Variants in DPY19L4 observed in about 807,000 individuals in gnomAD.
DPY19L4 encodes dpy-19 like 4, also known as probable C-mannosyltransferase DPY19L4.
DPY19L4 carries 97 observed loss-of-function variants against 102.8 expected under a neutral mutation model. That is an observed-to-expected ratio of 0.94 (90% CI 0.80 to 1.12). The LOEUF (loss-of-function observed/expected upper bound fraction) is 1.12, where lower values mean the gene tolerates loss of function less well. Ranked by LOEUF, DPY19L4 falls within the 50% of genes most tolerant of loss-of-function variation. DPY19L4 has a pLI of 0.00. For synonymous variants in DPY19L4, 252 were observed against 283.1 expected (o/e 0.89, Z 1.10); for missense variants, 815 against 850.4 (o/e 0.96, Z 0.52).
intron 15 of DPY19L4, 75 bp from the exon 16 acceptor site, chr8:94,781,009 G>A (rs1287277496): frequency 8.0e-7 from 1 of 1,254,888 alleles, no homozygotes. Flanking sequence ...TTGAAATACT[G>A]TGGAACAGTT....
intron 13 of DPY19L4, among the ~76,000 whole-genome samples, chr8:94,774,805 A>G (rs554922612): frequency 1.2e-4 from 19 of 152,102 alleles, no homozygotes; most frequent in African/African-American, 4.1e-4. Flanking sequence ...TCAAACTCCC[A>G]ACCTCAGGTG....
chr8:94,762,579 C>T (rs539420350), intron 8 of DPY19L4, among the ~76,000 whole-genome samples: 1 of 152,216 alleles, frequency 6.6e-6, no homozygotes, highest in South Asian at 2.1e-4. Flanking sequence ...AACTGGCACG[C>T]ATCTGTAGAA....
intron 4 of DPY19L4, among the ~76,000 whole-genome samples, chr8:94,738,702 C>T (rs527786336): frequency 6.6e-5 from 10 of 151,854 alleles, no homozygotes; most frequent in Non-Finnish European, 1.2e-4. Flanking sequence ...TTAGTAGAGA[C>T]GGGGTTTCAC....
At chr8:94,731,771 A>G (rs1810964072) in intron 2 of DPY19L4, among the ~76,000 whole-genome samples, 1 of 150,570 alleles carries the variant, frequency 6.6e-6, no homozygotes, top group African/African-American at 2.4e-5. Flanking sequence ...GTTTGTTTTG[A>G]GACGGAGTCT....
At chr8:94,738,789 G>A (rs945625651) in intron 4 of DPY19L4, among the ~76,000 whole-genome samples, 2 of 151,972 alleles carry the variant, frequency 1.3e-5, no homozygotes, top group Admixed American at 1.3e-4. Context: ...TGGGATTACA[G>A]GTGTGAACCA....
At position 94,739,443 on chromosome 8, in the gene DPY19L4, CTG is replaced by C. The variant is rs748651532; in HGVS notation, c.376_377del (p.Val126IlefsTer20). 1.4e-5 allele frequency: 23 copies of C among 1,593,962 alleles called. No individual in the cohort carries two copies. The highest frequency in any genetic ancestry group is 1.8e-5 in the Non-Finnish European group (21 of 1,174,416). On this transcript the variant is annotated frameshift_variant, in exon 5 of 19. Transcript: ENST00000414645. LOFTEE classifies it high-confidence loss of function. ...TACGAACTGACACACAATAACAAAA[CTG>C]TATCTCTGAAGACTATAAATGCAGT...
intron 13 of DPY19L4, 135 bp from the exon 14 acceptor site, chr8:94,777,531 A>T: frequency 9.3e-7 from 1 of 1,075,418 alleles, no homozygotes; most frequent in Non-Finnish European, 1.3e-6. Flanking sequence ...GCTGAAAATT[A>T]GAGTCTAAGC....
At position 94,791,769 on chromosome 8, in the gene DPY19L4, T is replaced by G. The variant is rs956518806; in HGVS notation, c.*1859T>G. 1 of 152,190 alleles carries G rather than the reference T, an allele frequency of 6.6e-6. No individual in the cohort carries two copies. The highest frequency in any genetic ancestry group is 2.4e-5 in the African/African-American group (1 of 41,458). 9.4% of individuals were successfully genotyped at this position (152,190 alleles called of 1,614,324 possible). ...ATTAGGTTTGGTACTTGTGTTTTGT[T>G]TGACATATTAGTAAGTTGCTTTTGC... On this transcript the variant is annotated 3_prime_UTR_variant, in exon 19 of 19. Coordinates refer to ENST00000414645, the MANE Select transcript of DPY19L4 (RefSeq NM_181787.3).
At chr8:94,778,878 G>A (rs988850499) in intron 14 of DPY19L4, among the ~76,000 whole-genome samples, 48 of 152,178 alleles carry the variant, frequency 3.2e-4, no homozygotes, top group African/African-American at 1.1e-3. Flanking sequence ...TGTGAGGTAG[G>A]TAGGGGTGGT....
chr8:94,761,910 TTCTTCA>T (rs1812409901), intron 8 of DPY19L4, 76 bp downstream of exon 8: 2 of 1,455,886 alleles, frequency 1.4e-6, no homozygotes, highest in African/African-American at 2.8e-5. Flanking sequence ...AACCTCTCTT[TTCTTCA>T]TCCATACACT....
At chr8:94,733,298 G>A (rs1811050399) in intron 2 of DPY19L4, among the ~76,000 whole-genome samples, 1 of 150,760 alleles carries the variant, frequency 6.6e-6, no homozygotes, top group Admixed American at 6.6e-5. Context: ...CTAATTTTTT[G>A]TATTTTTTAA....
At chr8:94,726,031 A>G (rs1266250811) in intron 1 of DPY19L4, among the ~76,000 whole-genome samples, 1 of 152,174 alleles carries the variant, frequency 6.6e-6, no homozygotes, top group Non-Finnish European at 1.5e-5. Flanking sequence ...CTTGACCCCC[A>G]GTTTGGAAAA....
chr8:94,779,496 C>CT (rs35904154), intron 14 of DPY19L4, among the ~76,000 whole-genome samples: 14 of 145,674 alleles, frequency 9.6e-5, no homozygotes, highest in African/African-American at 2.8e-4. Context: ...CTAATTAAAA[C>CT]TTTTTTTTTT....
chr8:94,777,504 CTGG>C (rs1413659217), intron 13 of DPY19L4, among the ~76,000 whole-genome samples, 159 bp from the exon 14 acceptor site: 1 of 152,176 alleles, frequency 6.6e-6, no homozygotes, highest in Non-Finnish European at 1.5e-5. Flanking sequence ...TTTTAAAAAA[CTGG>C]ATAACAATCT....
chr8:94,789,613 CAGTG>C, intron 18 of DPY19L4, 129 bp from the exon 19 acceptor site: 1 of 764,356 alleles, frequency 1.3e-6, no homozygotes, highest in Non-Finnish European at 2.0e-6. Flanking sequence ...TATTTGCTAA[CAGTG>C]AGATGTTTTA....
chr8:94,762,731 C>A (rs904401207), intron 8 of DPY19L4, among the ~76,000 whole-genome samples: 1 of 152,014 alleles, frequency 6.6e-6, no homozygotes, highest in Non-Finnish European at 1.5e-5. Context: ...GAGACCCTAT[C>A]CCTACAAAAA....
intron 6 of DPY19L4, among the ~76,000 whole-genome samples, chr8:94,746,952 A>C (rs1340821013): frequency 6.6e-6 from 1 of 152,132 alleles, no homozygotes; most frequent in Non-Finnish European, 1.5e-5. Context: ...ACACCTGTAC[A>C]ACTGGGTGCT....
chr8:94,749,797 T>A (rs1246910812), intron 6 of DPY19L4, among the ~76,000 whole-genome samples: 2 of 152,158 alleles, frequency 1.3e-5, no homozygotes. Context: ...GAAGAACTTC[T>A]CTATTCCCTA....
intron 12 of DPY19L4, 139 bp downstream of exon 12, chr8:94,768,692 A>G (rs1046828594): frequency 9.4e-6 from 6 of 638,208 alleles, no homozygotes; most frequent in Non-Finnish European, 1.4e-5. Context: ...GACATGGAAA[A>G]TATCATTATA....
Sources: allele counts gnomAD v4.1 joint callset (sites outside exome capture counted in the v4.1 genomes callset), GRCh38; gene constraint gnomAD v4.1.1; transcripts MANE v1.5; gene names NCBI Gene and HGNC (gene_info 2026-07-23, HGNC 2026-07-21).